Variants in CSMD1 observed in about 807,000 individuals in gnomAD.
CSMD1 encodes CUB and Sushi multiple domains 1, also known as CUB and sushi domain-containing protein 1.
A neutral mutation model predicts 417.5 loss-of-function variants in CSMD1; 213 were observed. That is an observed-to-expected ratio of 0.51 (90% confidence interval 0.46 to 0.57). The LOEUF (loss-of-function observed/expected upper bound fraction) is 0.57. Ranked by LOEUF, CSMD1 falls within the 20% of genes least tolerant of loss-of-function variation. CSMD1 has a pLI of 0.00. For synonymous variants in CSMD1, 2,862 were observed against 1,736.8 expected, an observed-to-expected ratio of 1.65 and a Z score of -16.11; for missense variants, 6,923 against 4,529.7, an observed-to-expected ratio of 1.53 and a Z score of -15.17.
intron 3 of CSMD1, among the ~76,000 whole-genome samples, chr8:4,049,608 A>C (rs777085479): frequency 6.6e-6 from 1 of 152,126 alleles, no homozygotes; most frequent in Admixed American, 6.6e-5. Flanking sequence ...TTAGGGTTTA[A>C]TATTTCATTG....
intron 26 of CSMD1, among the ~76,000 whole-genome samples, chr8:3,238,553 T>C (rs530594869): frequency 6.6e-6 from 1 of 152,148 alleles, no homozygotes; most frequent in South Asian, 2.1e-4. Flanking sequence ...CATGGGAACT[T>C]AGAGTGGGAG....
chr8:3,264,820 T>TA (rs1801315604), intron 26 of CSMD1, among the ~76,000 whole-genome samples: 1 of 151,928 alleles, frequency 6.6e-6, no homozygotes, highest in African/African-American at 2.4e-5. Flanking sequence ...TTGCCTACTG[T>TA]AAAAACTATA....
chr8:3,839,181 ATAT>A (rs1802932870), intron 5 of CSMD1, among the ~76,000 whole-genome samples: 1 of 126,802 alleles, frequency 7.9e-6, no homozygotes, highest in Non-Finnish European at 1.6e-5. Flanking sequence ...ATATATTTAT[ATAT>A]AATAAATAAA....
chr8:4,017,270 C>G (rs143126358), intron 4 of CSMD1, among the ~76,000 whole-genome samples: 2 of 152,200 alleles, frequency 1.3e-5, no homozygotes, highest in African/African-American at 2.4e-5. Context: ...AATTCATCTT[C>G]TCATCATTTC....
chr8:3,348,669 A>T lies in CSMD1; in HGVS notation c.3305-508T>A, dbSNP rs530472128. ...ACCACTGAGTTATCTTCAGGATGTC[A>T]CATCCCTGAATGCCTCAGCATTATG... On this transcript the variant is annotated intron_variant, in intron 21 of 69. Coordinates refer to ENST00000635120, the MANE Select transcript of CSMD1 (RefSeq NM_033225.6). Among the ~76,000 whole-genome samples, 169 of 152,360 alleles carry T rather than the reference A, an allele frequency of 1.1e-3. 1 individual carries two copies. Among genetic ancestry groups the T allele is most frequent in the Non-Finnish European group, 2.0e-3 (137 of 68,036 alleles).
In CSMD1 at chr8:3,839,480, T is replaced by A. The variant is rs934161426; in HGVS notation, c.819-85438A>T. ...ATATATTATATATTATATAATTATA[T>A]TATATATTTATATATTAATATATAT... On this transcript the variant is annotated intron_variant, in intron 5 of 69. Transcript: ENST00000635120. Among the ~76,000 whole-genome samples, 79 of 125,030 alleles carry A rather than the reference T, an allele frequency of 6.3e-4. No individual in the cohort carries two copies. In the East Asian group the frequency reaches 8.9e-3, roughly 14 times the overall value. 82.0% of individuals were successfully genotyped at this position (125,030 alleles called of 152,430 possible). A position where few individuals can be genotyped will look rare whatever the true frequency, so the allele number is the denominator to read the frequency against.
chr8:3,256,970 A>G (rs1800699596), intron 26 of CSMD1, among the ~76,000 whole-genome samples: 1 of 152,262 alleles, frequency 6.6e-6, no homozygotes, highest in South Asian at 2.1e-4. Context: ...AGAAGAGAAA[A>G]TAAAATATTT....
chr8:3,254,174 C>A (rs930978264), intron 26 of CSMD1, among the ~76,000 whole-genome samples: 1 of 152,142 alleles, frequency 6.6e-6, no homozygotes, highest in East Asian at 1.9e-4. Context: ...GTTGAAAGTT[C>A]TTTTCTTTAA....
chr8:4,424,096 G>C (rs1797408738), intron 2 of CSMD1, among the ~76,000 whole-genome samples: 1 of 151,782 alleles, frequency 6.6e-6, no homozygotes, highest in Admixed American at 6.6e-5. Flanking sequence ...AGACTCTTAG[G>C]AAAAAAATAG....
intron 51 of CSMD1, among the ~76,000 whole-genome samples, chr8:3,023,233 G>C (rs1171511719): frequency 1.3e-5 from 2 of 152,134 alleles, no homozygotes; most frequent in African/African-American, 4.8e-5. Context: ...GACACAGACA[G>C]CCCAGAATTT....
intron 3 of CSMD1, among the ~76,000 whole-genome samples, chr8:4,234,115 G>C (rs577550979): frequency 3.7e-4 from 56 of 152,082 alleles, no homozygotes; most frequent in Non-Finnish European, 6.9e-4. Flanking sequence ...AGTGCTACAG[G>C]AGTTAAATGA....
intron 2 of CSMD1, among the ~76,000 whole-genome samples, chr8:4,610,578 C>G (rs1801116627): frequency 6.6e-6 from 1 of 152,148 alleles, no homozygotes; most frequent in Non-Finnish European, 1.5e-5. Flanking sequence ...CATATCCTTC[C>G]TCCCTGCTTT....
chr8:2,985,901 C>T (rs908483632), intron 54 of CSMD1, among the ~76,000 whole-genome samples: 9 of 125,036 alleles, frequency 7.2e-5, no homozygotes, highest in Admixed American at 5.3e-4. Flanking sequence ...ATATTGTGAT[C>T]GAAAAGAAAG....
At chr8:4,793,557 T>C (rs1797808361) in intron 1 of CSMD1, among the ~76,000 whole-genome samples, 3 of 151,954 alleles carry the variant, frequency 2.0e-5, no homozygotes, top group Admixed American at 1.3e-4. Flanking sequence ...AGAAATTATT[T>C]CTATCATTTA....
intron 3 of CSMD1, among the ~76,000 whole-genome samples, chr8:4,330,415 G>C (rs1799802678): frequency 6.6e-6 from 1 of 151,966 alleles, no homozygotes; most frequent in African/African-American, 2.4e-5. Context: ...CCAACATGAA[G>C]AAATCCCACA....
chr8:3,346,672 T>A (rs116891825), intron 22 of CSMD1, among the ~76,000 whole-genome samples: 3,631 of 152,264 alleles, frequency 0.024, 79 homozygotes, highest in East Asian at 0.082. Context: ...TCTAATGAGG[T>A]CAAGTGGAGC....
intron 50 of CSMD1, among the ~76,000 whole-genome samples, chr8:3,031,232 C>T (rs1810320094): frequency 1.4e-5 from 2 of 146,766 alleles, no homozygotes. Flanking sequence ...ACATGCACCG[C>T]ATGTTCTCAC....
intron 6 of CSMD1, among the ~76,000 whole-genome samples, chr8:3,736,746 C>T (rs570606249): frequency 2.0e-5 from 3 of 152,206 alleles, no homozygotes; most frequent in Admixed American, 2.0e-4. Context: ...TTCACCTTTA[C>T]CAATCATTAG....
chr8:3,741,523 T>G (rs1052349701), intron 6 of CSMD1, among the ~76,000 whole-genome samples: 7 of 152,236 alleles, frequency 4.6e-5, no homozygotes, highest in Middle Eastern at 3.2e-3. Flanking sequence ...TTTTACAGTT[T>G]TTAGTAGGCA....
Sources: allele counts gnomAD v4.1 joint callset (sites outside exome capture counted in the v4.1 genomes callset), GRCh38; gene constraint gnomAD v4.1.1; transcripts MANE v1.5; gene names NCBI Gene and HGNC (gene_info 2026-07-23, HGNC 2026-07-21).